Variants in LRRC69 observed in about 807,000 individuals in gnomAD.
LRRC69 encodes leucine-rich repeat-containing protein 69.
In LRRC69, 42 loss-of-function variants were observed where a neutral mutation model predicts 37.8. The ratio of observed to expected loss-of-function variants is 1.11; its 90% confidence interval spans 0.87 to 1.44. The LOEUF (loss-of-function observed/expected upper bound fraction) is 1.44, where lower values mean the gene tolerates loss of function less well. Among genes scored for constraint, LRRC69 ranks in the 40% most tolerant of loss-of-function variants. The probability of loss-of-function intolerance (pLI) is 0.00; values close to 1 mark genes in which losing one functional copy is unlikely to be tolerated. For synonymous variants in LRRC69, 141 were observed against 143.1 expected (o/e 0.99, Z 0.11); for missense variants, 357 against 401.9 (o/e 0.89, Z 0.96).
At chr8:91,169,754 A>C in intron 5 of LRRC69, among the ~76,000 whole-genome samples, 1 of 131,616 alleles carries the variant, frequency 7.6e-6, no homozygotes, top group African/African-American at 3.1e-5. Context: ...ATTCCCACCT[A>C]TGAGTGAGAA....
At chr8:91,122,529 A>G (rs375846978) in intron 1 of LRRC69, among the ~76,000 whole-genome samples, 3 of 151,946 alleles carry the variant, frequency 2.0e-5, no homozygotes, top group Admixed American at 6.6e-5. Flanking sequence ...GGACACTTCT[A>G]TTGCTCTAAG....
chr8:91,151,695 T>C (rs1457274537), intron 5 of LRRC69, among the ~76,000 whole-genome samples: 1 of 151,712 alleles, frequency 6.6e-6, no homozygotes, highest in Non-Finnish European at 1.5e-5. Context: ...GTATTTCTGG[T>C]TCTAGATCAT....
At chr8:91,159,757 A>G (rs1192568884) in intron 5 of LRRC69, among the ~76,000 whole-genome samples, 2 of 151,308 alleles carry the variant, frequency 1.3e-5, no homozygotes, top group Non-Finnish European at 3.0e-5. Context: ...ATTTTTTACC[A>G]TGGCAAAATA....
chr8:91,151,307 A>G (rs191996634), intron 5 of LRRC69, among the ~76,000 whole-genome samples: 1,498 of 144,946 alleles, frequency 0.01, 35 homozygotes, highest in African/African-American at 0.036. Context: ...GGTGGTTTCA[A>G]AGAACATCTT....
At chr8:91,178,875 T>C (rs1809279017) in intron 5 of LRRC69, among the ~76,000 whole-genome samples, 1 of 152,230 alleles carries the variant, frequency 6.6e-6, no homozygotes, top group African/African-American at 2.4e-5. Context: ...GTTTCATTCC[T>C]GGATGTTTAT....
At chr8:91,172,205 A>G (rs1030370574) in intron 5 of LRRC69, among the ~76,000 whole-genome samples, 1 of 151,968 alleles carries the variant, frequency 6.6e-6, no homozygotes, top group Admixed American at 6.6e-5. Flanking sequence ...CCACAATAAA[A>G]ATGCTTCTAT....
At chr8:91,200,892 G>A in intron 7 of LRRC69, 100 bp downstream of exon 7, 1 of 1,133,876 alleles carries the variant, frequency 8.8e-7, no homozygotes, top group Non-Finnish European at 1.2e-6. Flanking sequence ...ACCTATGATT[G>A]GCTTATAGGA....
At chr8:91,125,064 A>C (rs1813694608) in intron 2 of LRRC69, among the ~76,000 whole-genome samples, 1 of 151,878 alleles carries the variant, frequency 6.6e-6, no homozygotes, top group Non-Finnish European at 1.5e-5. Context: ...AAAAGATATG[A>C]GATCCAATAA....
intron 5 of LRRC69, chr8:91,158,596 A>C: frequency 7.1e-7 from 1 of 1,400,962 alleles, no homozygotes; most frequent in Non-Finnish European, 1.0e-6. Flanking sequence ...TATAGTTCTG[A>C]TGTCTTTGAC....
At chr8:91,111,046 C>G (rs1813401359) in intron 1 of LRRC69, among the ~76,000 whole-genome samples, 1 of 152,014 alleles carries the variant, frequency 6.6e-6, no homozygotes, top group Admixed American at 6.6e-5. Flanking sequence ...TATTGAGCAA[C>G]TATTATATTC....
intron 5 of LRRC69, chr8:91,157,656 T>C (rs1458660695): frequency 1.8e-5 from 28 of 1,583,464 alleles, no homozygotes; most frequent in Middle Eastern, 1.7e-4. Context: ...GGACTTTTAA[T>C]GTTGAATGCC....
intron 1 of LRRC69, among the ~76,000 whole-genome samples, chr8:91,108,303 A>T (rs935994962): frequency 1.3e-5 from 2 of 152,090 alleles, no homozygotes; most frequent in African/African-American, 4.8e-5. Context: ...ATTCATTCAT[A>T]CATTAAACAA....
At chr8:91,212,494 CATTT>C (rs1271505383) in intron 7 of LRRC69, among the ~76,000 whole-genome samples, 1 of 152,142 alleles carries the variant, frequency 6.6e-6, no homozygotes, top group African/African-American at 2.4e-5. Context: ...TGAAAACGTT[CATTT>C]ACTTTATGAA....
At chr8:91,196,197 T>G (rs1586280056) in intron 6 of LRRC69, among the ~76,000 whole-genome samples, 1 of 152,098 alleles carries the variant, frequency 6.6e-6, no homozygotes, top group African/African-American at 2.4e-5. Context: ...GCTTGTAGGG[T>G]TTCTCCCGAG....
chr8:91,215,864 T>C (rs2130654462), intron 7 of LRRC69, among the ~76,000 whole-genome samples: 1 of 152,296 alleles, frequency 6.6e-6, no homozygotes, highest in East Asian at 1.9e-4. Context: ...CATGCTCATT[T>C]CAAATGGACA....
intron 3 of LRRC69, among the ~76,000 whole-genome samples, chr8:91,132,663 T>C (rs145328703): frequency 2.6e-5 from 4 of 152,102 alleles, no homozygotes; most frequent in Admixed American, 6.6e-5. Context: ...GGCTGATTCA[T>C]CTTTGAACTT....
intron 5 of LRRC69, among the ~76,000 whole-genome samples, chr8:91,187,294 A>C (rs1409279061): frequency 6.6e-6 from 1 of 152,206 alleles, no homozygotes; most frequent in Non-Finnish European, 1.5e-5. Context: ...TCACTCAATG[A>C]GTCATTAAGT....
intron 5 of LRRC69, among the ~76,000 whole-genome samples, chr8:91,176,599 C>T (rs1479445728): frequency 6.6e-6 from 1 of 152,170 alleles, no homozygotes; most frequent in African/African-American, 2.4e-5. Flanking sequence ...TGTATACAAG[C>T]TGAAGGCCCA....
At chr8:91,171,863 C>G (rs2130583684) in intron 5 of LRRC69, among the ~76,000 whole-genome samples, 1 of 151,738 alleles carries the variant, frequency 6.6e-6, no homozygotes, top group African/African-American at 2.4e-5. Flanking sequence ...GAGGTGTGAA[C>G]AACATATTGG....
Sources: gnomAD v4.1 joint callset for allele counts (sites outside exome capture counted in the v4.1 genomes callset) on GRCh38, gnomAD v4.1.1 for gene constraint, MANE v1.5 for transcripts, NCBI Gene and HGNC (gene_info 2026-07-23, HGNC 2026-07-21) for gene names.